SLC2A13: variants seen among roughly 807,000 people sequenced by gnomAD.
SLC2A13 encodes the protein proton myo-inositol cotransporter.
In SLC2A13, 32 loss-of-function variants were observed where a neutral mutation model predicts 64.4. That is an observed-to-expected ratio of 0.50 (90% CI 0.37 to 0.67). The LOEUF is 0.67. Among genes scored for constraint, SLC2A13 ranks in the 30% least tolerant of loss-of-function variants. The pLI, the probability that SLC2A13 is intolerant of heterozygous loss-of-function variation, is 0.00. For synonymous variants in SLC2A13, 338 were observed against 327.1 expected, an observed-to-expected ratio of 1.03 and a Z score of -0.36; for missense variants, 743 against 829.2, an observed-to-expected ratio of 0.90 and a Z score of 1.28.
chr12:39,992,155 C>T (rs1025063069), intron 3 of SLC2A13, among the ~76,000 whole-genome samples: 1 of 152,118 alleles, frequency 6.6e-6, no homozygotes, highest in Non-Finnish European at 1.5e-5. Context: ...AGGGAGGTGC[C>T]TTCATTTGCC....
chr12:39,890,728 G>A (rs1342971567), intron 4 of SLC2A13, among the ~76,000 whole-genome samples: 3 of 152,010 alleles, frequency 2.0e-5, no homozygotes, highest in East Asian at 3.8e-4. Context: ...TAAATTTGAG[G>A]TAATTTGCAG....
At chr12:40,072,095 A>G (rs1441727083) in intron 1 of SLC2A13, among the ~76,000 whole-genome samples, 2 of 151,906 alleles carry the variant, frequency 1.3e-5, no homozygotes, top group Non-Finnish European at 2.9e-5. Flanking sequence ...AATCCCACAA[A>G]TTTTCATTTT....
chr12:40,095,509 G>C (rs1196226170), intron 1 of SLC2A13, among the ~76,000 whole-genome samples: 3 of 152,146 alleles, frequency 2.0e-5, no homozygotes, highest in Non-Finnish European at 1.5e-5. Flanking sequence ...GTGTATCTAA[G>C]GTCTACACAT....
rs116822614 is a variant in SLC2A13 at position 40,037,240 on chromosome 12, C to T, written c.717-8731G>A. Among the ~76,000 whole-genome samples the T allele has an allele frequency of 3.0e-3, 462 of 152,170 alleles. 3 individuals carry two copies. The highest frequency in any genetic ancestry group is 0.011 in the African/African-American group (441 of 41,516). On this transcript the variant is annotated intron_variant, in intron 2 of 9. Coordinates refer to ENST00000280871, the MANE Select transcript of SLC2A13 (RefSeq NM_052885.4). The stretch of plus-strand genomic sequence containing the variant: ...AATAGAATTATGCTGGCTTCAAAAA[C>T]CTTATTGGGAAGTGTTTATTCTACC...
In SLC2A13 at chr12:40,001,620, C is replaced by T. The variant is rs1947322498; in HGVS notation, c.925+26681G>A. On this transcript the variant is annotated intron_variant, in intron 3 of 9. Transcript: ENST00000280871. ...AACTGAGGGAATCAGAATGAGAATGCAAGTCTTCTGACATCTAAGTCAGCA... is the reference window on the plus strand; with the variant it reads ...AACTGAGGGAATCAGAATGAGAATGTAAGTCTTCTGACATCTAAGTCAGCA... Among the ~76,000 whole-genome samples, 3 of 152,192 alleles carry T rather than the reference C, an allele frequency of 2.0e-5. No individual in the cohort carries two copies. In the South Asian group the frequency reaches 6.2e-4, roughly 32 times the overall value.
At chr12:39,927,029 CAT>C (rs1439332950) in intron 4 of SLC2A13, among the ~76,000 whole-genome samples, 4 of 152,126 alleles carry the variant, frequency 2.6e-5, no homozygotes, top group African/African-American at 9.7e-5. Flanking sequence ...ATCAATGTAT[CAT>C]ATAATTTATA....
chr12:39,920,797 C>A (rs772695574), intron 4 of SLC2A13, among the ~76,000 whole-genome samples: 1 of 152,068 alleles, frequency 6.6e-6, no homozygotes, highest in Non-Finnish European at 1.5e-5. Context: ...CATTCCGATG[C>A]ATGCACATAC....
chr12:39,783,258 T>A (rs1378367283), intron 7 of SLC2A13, among the ~76,000 whole-genome samples: 1 of 152,246 alleles, frequency 6.6e-6, no homozygotes, highest in Non-Finnish European at 1.5e-5. Flanking sequence ...ATTTTCTTAA[T>A]TCACTCTATC....
intron 6 of SLC2A13, among the ~76,000 whole-genome samples, chr12:39,859,331 C>T (rs140626794): frequency 0.017 from 619 of 35,566 alleles, 1 homozygote; most frequent in East Asian, 0.036. Flanking sequence ...TTTTTTTTTT[C>T]TGAAAAAAAA....
intron 3 of SLC2A13, among the ~76,000 whole-genome samples, chr12:39,968,370 G>A (rs1946564658): frequency 6.6e-6 from 1 of 152,024 alleles, no homozygotes; most frequent in Non-Finnish European, 1.5e-5. Context: ...CTCCCATCAG[G>A]TCCCTCCCAA....
At position 39,760,057 on chromosome 12, in the gene SLC2A13, A is replaced by G; in HGVS notation, c.1916T>C (p.Leu639Pro). The G allele has an allele frequency of 1.2e-6, 2 of 1,612,450 alleles. No homozygotes were observed. The highest frequency in any genetic ancestry group is 1.7e-6 in the Non-Finnish European group (2 of 1,179,010). ...YIRVKGSNYH[L>P]SDNDASDVE is the part of the protein sequence containing the mutation. ...CACATCAGAAGCATCATTGTCAGAAAGATGATAGTTACTTCCCTTTACCCG... is the reference window on the plus strand; with the variant it reads ...CACATCAGAAGCATCATTGTCAGAAGGATGATAGTTACTTCCCTTTACCCG... The change falls in exon 10 of 10, where the codon CTT becomes CCT. Residue 639 changes from leucine (L) to proline (P), a missense_variant. Coordinates refer to ENST00000280871, the MANE Select transcript of SLC2A13 (RefSeq NM_052885.4).
intron 7 of SLC2A13, among the ~76,000 whole-genome samples, chr12:39,797,950 T>C (rs1237176850): frequency 6.6e-6 from 1 of 152,208 alleles, no homozygotes; most frequent in Admixed American, 6.5e-5. Flanking sequence ...GTTCATGCCC[T>C]TGTGTAGCTC....
At chr12:39,968,734 T>TTTG (rs1946575225) in intron 3 of SLC2A13, among the ~76,000 whole-genome samples, 1 of 131,258 alleles carries the variant, frequency 7.6e-6, no homozygotes, top group Non-Finnish European at 1.6e-5. Context: ...CTGCCCTTTC[T>TTTG]TTTTTATTTT....
chr12:39,889,394 T>C (rs73104994), intron 4 of SLC2A13, among the ~76,000 whole-genome samples: 19 of 152,238 alleles, frequency 1.2e-4, no homozygotes, highest in Middle Eastern at 3.4e-3. Flanking sequence ...TTAGTATAAA[T>C]ATAGCCTTAT....
intron 7 of SLC2A13, among the ~76,000 whole-genome samples, chr12:39,777,561 A>G (rs1940820743): frequency 6.6e-6 from 1 of 152,176 alleles, no homozygotes; most frequent in African/African-American, 2.4e-5. Flanking sequence ...TTCCTGCACA[A>G]ATGTTGCACT....
intron 3 of SLC2A13, among the ~76,000 whole-genome samples, chr12:39,976,999 T>C (rs771779568): frequency 1.3e-5 from 2 of 152,038 alleles, no homozygotes; most frequent in Admixed American, 6.6e-5. Context: ...TTAAACAACA[T>C]CAGGAAGGAA....
At chr12:39,867,471 A>AAAACAG (rs1351060227) in intron 5 of SLC2A13, among the ~76,000 whole-genome samples, 1 of 152,110 alleles carries the variant, frequency 6.6e-6, no homozygotes, top group African/African-American at 2.4e-5. Flanking sequence ...AACAAAAACA[A>AAAACAG]AAACAAAAAA....
intron 3 of SLC2A13, among the ~76,000 whole-genome samples, chr12:40,012,960 C>A (rs1947554997): frequency 6.6e-6 from 1 of 152,148 alleles, no homozygotes; most frequent in Non-Finnish European, 1.5e-5. Context: ...TAACTCTGTG[C>A]TTTCAGTTTC....
chr12:39,932,479 G>A lies in SLC2A13; in HGVS notation c.1034+18778C>T, dbSNP rs188735975. Among the ~76,000 whole-genome samples the A allele has an allele frequency of 1.4e-3, 218 of 152,310 alleles. 2 individuals carry two copies. Among genetic ancestry groups the A allele is most frequent in the African/African-American group, 5.0e-3 (206 of 41,574 alleles). On this transcript the variant is annotated intron_variant, in intron 4 of 9. Coordinates refer to ENST00000280871, the MANE Select transcript of SLC2A13 (RefSeq NM_052885.4). ...GGAAATAGATGAAGCAGTTGTCTGC[G>A]TTTCTCATGCAACCAGTATTTTTTG... is the stretch of plus-strand genomic sequence containing the variant.
Sources: gnomAD v4.1 joint callset for allele counts (sites outside exome capture counted in the v4.1 genomes callset) on GRCh38, gnomAD v4.1.1 for gene constraint, MANE v1.5 for transcripts, NCBI Gene and HGNC (gene_info 2026-07-23, HGNC 2026-07-21) for gene names.